ELP4: variants seen among roughly 807,000 people sequenced by gnomAD.
ELP4 encodes elongator complex protein 4.
Under a neutral mutation model 48.9 loss-of-function variants are expected in ELP4, and 51 were observed. The ratio of observed to expected loss-of-function variants is 1.04; its 90% CI spans 0.83 to 1.32. The LOEUF is 1.32. Ranked by LOEUF, ELP4 falls within the 40% of genes most tolerant of loss-of-function variation. The pLI, the probability that ELP4 is intolerant of heterozygous loss-of-function variation, is 0.00. For synonymous variants in ELP4, 210 were observed against 189.2 expected (o/e 1.11, Z -0.90); for missense variants, 519 against 514.6 (o/e 1.01, Z -0.08).
Position 31,520,047 on chromosome 11 carries a change from C to T in ELP4, c.224-9C>T. 1 of 1,612,106 alleles carries T rather than the reference C, an allele frequency of 6.2e-7. No homozygotes were observed. The highest frequency in any genetic ancestry group is 8.5e-7 in the Non-Finnish European group (1 of 1,179,332). On this transcript the variant is annotated splice_polypyrimidine_tract_variant and intron_variant, in intron 1 of 9. Coordinates refer to ENST00000640961, the MANE Select transcript of ELP4 (RefSeq NM_019040.5). ...AATTAATTTTCTTCTGGTTTTGTTT[C>T]ATTTCCAGGTGGAGGTTTAGCCGTT...
intron 7 of ELP4, chr11:31,646,876 T>A (rs917458608): frequency 9.6e-5 from 14 of 145,174 alleles, no homozygotes; most frequent in Non-Finnish European, 2.1e-4. Flanking sequence ...ATTAAAGAAT[T>A]AAAAAAAAAA....
At chr11:31,639,211 G>T (rs1201204500) in intron 7 of ELP4, among the ~76,000 whole-genome samples, 2 of 151,604 alleles carry the variant, frequency 1.3e-5, no homozygotes, top group African/African-American at 4.8e-5. Flanking sequence ...AATGTTTTCA[G>T]ATCTTCTTAA....
intron 1 of ELP4, among the ~76,000 whole-genome samples, chr11:31,514,840 A>G (rs1049922021): frequency 3.9e-5 from 6 of 152,050 alleles, no homozygotes; most frequent in African/African-American, 1.4e-4. Context: ...GAGCATGGCT[A>G]CAAACATTCA....
At chr11:31,738,587 T>C (rs998501243) in intron 9 of ELP4, among the ~76,000 whole-genome samples, 4 of 151,656 alleles carry the variant, frequency 2.6e-5, no homozygotes, top group Non-Finnish European at 5.9e-5. Context: ...AATACAAAAG[T>C]TTGCCGAGCA....
At chr11:31,593,748 A>G (rs1957628124) in intron 3 of ELP4, among the ~76,000 whole-genome samples, 2 of 152,230 alleles carry the variant, frequency 1.3e-5, no homozygotes, top group Admixed American at 1.3e-4. Context: ...AAGTTACTTT[A>G]TACTGTAAGA....
At chr11:31,515,029 G>GTA (rs1173108055) in intron 1 of ELP4, among the ~76,000 whole-genome samples, 147 of 132,738 alleles carry the variant, frequency 1.1e-3, no homozygotes, top group Non-Finnish European at 1.3e-3. Context: ...GTGTGTGTGT[G>GTA]TGTGTATATA....
At chr11:31,544,500 G>T (rs1438882987) in intron 3 of ELP4, among the ~76,000 whole-genome samples, 1 of 152,208 alleles carries the variant, frequency 6.6e-6, no homozygotes, top group Non-Finnish European at 1.5e-5. Flanking sequence ...CAGCCGGAAA[G>T]CTCCAACTGG....
At chr11:31,746,653 C>A in intron 9 of ELP4, among the ~76,000 whole-genome samples, 1 of 152,024 alleles carries the variant, frequency 6.6e-6, no homozygotes, top group Non-Finnish European at 1.5e-5. Context: ...AAACCAAACA[C>A]CACATGTTCT....
At chr11:31,705,919 T>A (rs1946621295) in intron 9 of ELP4, among the ~76,000 whole-genome samples, 1 of 152,074 alleles carries the variant, frequency 6.6e-6, no homozygotes, top group Non-Finnish European at 1.5e-5. Context: ...GTGGCACAAG[T>A]ATAGCTCACT....
chr11:31,721,161 C>T (rs976781805), intron 9 of ELP4, among the ~76,000 whole-genome samples: 2 of 152,138 alleles, frequency 1.3e-5, no homozygotes, highest in Non-Finnish European at 2.9e-5. Context: ...GGTTGAATGC[C>T]ATCCCTGGAA....
At chr11:31,537,410 A>T (rs181420070) in intron 2 of ELP4, among the ~76,000 whole-genome samples, 2 of 152,192 alleles carry the variant, frequency 1.3e-5, no homozygotes, top group Admixed American at 1.3e-4. Flanking sequence ...AGCTTATAGT[A>T]AGTCTTGAAA....
chr11:31,538,242 A>G (rs1956534783), intron 2 of ELP4, among the ~76,000 whole-genome samples: 1 of 149,300 alleles, frequency 6.7e-6, no homozygotes, highest in Admixed American at 6.7e-5. Context: ...ATCCAGTAAT[A>G]TGATATATAT....
At chr11:31,707,267 CT>C (rs1013023864) in intron 9 of ELP4, 3 of 340,784 alleles carry the variant, frequency 8.8e-6, no homozygotes, top group African/African-American at 2.1e-5. Context: ...GAAATAAAAC[CT>C]TACAGTTCAT....
intron 3 of ELP4, among the ~76,000 whole-genome samples, chr11:31,581,878 G>T (rs1262725884): frequency 6.6e-6 from 1 of 151,454 alleles, no homozygotes; most frequent in Non-Finnish European, 1.5e-5. Flanking sequence ...TCTGCCTTCC[G>T]AGTAGCTGGG....
At position 31,783,869 on chromosome 11, in the gene ELP4, G is replaced by T. The variant is rs1428253932; in HGVS notation, c.*345G>T. On this transcript the variant is annotated 3_prime_UTR_variant, in exon 10 of 10. Transcript: ENST00000640961. The stretch of plus-strand genomic sequence containing the variant: ...TCACAGCAGGTAGCATACAAAACAT[G>T]ATGAAATTCAAGATTGTATGTGAAA... The T allele has an allele frequency of 5.9e-6, 1 of 168,838 alleles. No individual in the cohort carries two copies. The highest frequency in any genetic ancestry group is 2.4e-5 in the African/African-American group (1 of 42,104). 10.5% of individuals were successfully genotyped at this position (168,838 alleles called of 1,614,324 possible).
intron 9 of ELP4, among the ~76,000 whole-genome samples, chr11:31,740,250 C>T (rs753429713): frequency 2.6e-5 from 4 of 152,180 alleles, no homozygotes; most frequent in Non-Finnish European, 5.9e-5. Flanking sequence ...TCCAGTAATG[C>T]TTCCATGTAC....
At chr11:31,618,149 A>G (rs1056306087) in intron 5 of ELP4, among the ~76,000 whole-genome samples, 1 of 152,146 alleles carries the variant, frequency 6.6e-6, no homozygotes, top group African/African-American at 2.4e-5. Flanking sequence ...TTCACCATAA[A>G]AAGGAATGAA....
intron 9 of ELP4, among the ~76,000 whole-genome samples, chr11:31,679,324 G>A (rs1051277870): frequency 1.3e-4 from 19 of 151,920 alleles, no homozygotes; most frequent in African/African-American, 3.6e-4. Context: ...TCTTGAAGTC[G>A]GGCAGTATAT....
At chr11:31,748,330 C>T (rs750977997) in intron 9 of ELP4, among the ~76,000 whole-genome samples, 15 of 151,826 alleles carry the variant, frequency 9.9e-5, no homozygotes, top group South Asian at 2.1e-4. Context: ...CTGCAACCTC[C>T]GCCTCTCAGG....
Sources: gnomAD v4.1 joint callset for allele counts (sites outside exome capture counted in the v4.1 genomes callset) on GRCh38, gnomAD v4.1.1 for gene constraint, MANE v1.5 for transcripts, NCBI Gene and HGNC (gene_info 2026-07-23, HGNC 2026-07-21) for gene names.